Variants in BLTP3B observed in about 807,000 individuals in gnomAD.
The protein encoded by BLTP3B is UHRF1 (ICBP90) binding protein 1-like.
chr12:100,067,419 GATAA>G, the BLTP3B span, among the ~76,000 whole-genome samples: 1 of 152,026 alleles, frequency 6.6e-6, no homozygotes, highest in African/African-American at 2.4e-5. Flanking sequence ...TCTTTGAAAA[GATAA>G]ATAAAATTGA....
the BLTP3B span, chr12:100,086,383 G>GGGA: frequency 4.7e-4 from 238 of 502,892 alleles, 1 homozygote; most frequent in African/African-American, 5.1e-3. Flanking sequence ...GGGGGGGGGG[G>GGGA]AAATATTAAG....
chr12:100,077,817 C>T, the BLTP3B span, among the ~76,000 whole-genome samples: 2 of 152,026 alleles, frequency 1.3e-5, no homozygotes, highest in Non-Finnish European at 2.9e-5. Flanking sequence ...AATTAGACCA[C>T]GTTAGGTGAT....
chr12:100,094,263 C>T, the BLTP3B span, among the ~76,000 whole-genome samples: 1 of 152,126 alleles, frequency 6.6e-6, no homozygotes, highest in Non-Finnish European at 1.5e-5. Flanking sequence ...ATGCCACCAC[C>T]ACCACACTTG....
At chr12:100,080,349 C>CTT in the BLTP3B span, among the ~76,000 whole-genome samples, 8 of 141,196 alleles carry the variant, frequency 5.7e-5, no homozygotes, top group East Asian at 2.1e-4. Flanking sequence ...GAACCCATCT[C>CTT]TTTTTTTTTT....
chr12:100,141,446 TAC>T, the BLTP3B span, among the ~76,000 whole-genome samples: 54,938 of 150,804 alleles, frequency 0.36, 11,322 homozygotes, highest in East Asian at 0.65. Context: ...TATATATATG[TAC>T]ACACACACAC....
the BLTP3B span, chr12:100,058,964 C>T: frequency 3.1e-6 from 5 of 1,614,112 alleles, no homozygotes; most frequent in Non-Finnish European, 4.2e-6. Context: ...TACTATAATA[C>T]TCCTTCAAGA....
the BLTP3B span, among the ~76,000 whole-genome samples, chr12:100,136,210 CA>C: frequency 0.35 from 37,148 of 106,200 alleles, 6,333 homozygotes; most frequent in African/African-American, 0.57. Flanking sequence ...GACTCTGTCT[CA>C]AAAAAAAAAA....
At chr12:100,083,746 A>C in the BLTP3B span, among the ~76,000 whole-genome samples, 1 of 151,738 alleles carries the variant, frequency 6.6e-6, no homozygotes, top group African/African-American at 2.4e-5. Flanking sequence ...TACAATTATT[A>C]TGTGTTGACT....
chr12:100,138,565 T>C, the BLTP3B span, among the ~76,000 whole-genome samples: 2 of 152,186 alleles, frequency 1.3e-5, no homozygotes, highest in African/African-American at 2.4e-5. Context: ...CAATTAAAAA[T>C]ATCTCCAGAC....
At chr12:100,048,342 C>CT in the BLTP3B span, 1 of 800,708 alleles carries the variant, frequency 1.2e-6, no homozygotes, top group Non-Finnish European at 1.8e-6. Context: ...AATATACGTA[C>CT]ACACACTAAT....
the BLTP3B span, chr12:100,059,836 T>A: frequency 6.3e-7 from 1 of 1,597,674 alleles, no homozygotes; most frequent in Middle Eastern, 1.7e-4. Flanking sequence ...TACTACTACT[T>A]GTTTGTATGA....
At chr12:100,142,664 C>T in the BLTP3B span, 3 of 1,601,414 alleles carry the variant, frequency 1.9e-6, no homozygotes, top group African/African-American at 2.7e-5. Context: ...GCCGCGGTCT[C>T]GTCCTGTTGC....
the BLTP3B span, chr12:100,142,873 T>C: frequency 2.4e-6 from 1 of 417,720 alleles, no homozygotes; most frequent in Non-Finnish European, 4.2e-6. Context: ...CCTAAGAGAC[T>C]CGGTGGAGGG....
chr12:100,064,199 G>C, the BLTP3B span, among the ~76,000 whole-genome samples: 1 of 152,126 alleles, frequency 6.6e-6, no homozygotes, highest in African/African-American at 2.4e-5. Flanking sequence ...AGAGCTCGAA[G>C]ACAAGGTCTT....
At chr12:100,081,754 T>C in the BLTP3B span, among the ~76,000 whole-genome samples, 1 of 152,212 alleles carries the variant, frequency 6.6e-6, no homozygotes, top group Admixed American at 6.5e-5. Context: ...ACTGCATTCT[T>C]TTCATGGCTA....
the BLTP3B span, among the ~76,000 whole-genome samples, chr12:100,076,204 T>C: frequency 3.3e-5 from 5 of 152,168 alleles, no homozygotes; most frequent in East Asian, 9.7e-4. Context: ...AATGTATATA[T>C]TAATATTCAC....
the BLTP3B span, chr12:100,108,402 T>C: frequency 1.9e-6 from 3 of 1,612,402 alleles, no homozygotes; most frequent in Admixed American, 1.7e-5. Flanking sequence ...GGACGCTTTA[T>C]TACAAAAAAC....
chr12:100,049,545 G>A, the BLTP3B span, among the ~76,000 whole-genome samples: 1 of 152,094 alleles, frequency 6.6e-6, no homozygotes, highest in Non-Finnish European at 1.5e-5. Context: ...AATTGCTCTT[G>A]AATCTTGTAT....
chr12:100,040,273 G>T, the BLTP3B span, among the ~76,000 whole-genome samples: 1 of 152,202 alleles, frequency 6.6e-6, no homozygotes, highest in East Asian at 1.9e-4. Flanking sequence ...GCTCATGTCT[G>T]TAATCCCAGC....
Sources: allele counts gnomAD v4.1 joint callset (sites outside exome capture counted in the v4.1 genomes callset), GRCh38; gene constraint gnomAD v4.1.1; transcripts MANE v1.5; gene names NCBI Gene and HGNC (gene_info 2026-07-23, HGNC 2026-07-21).